CTIF: variants seen among roughly 807,000 people sequenced by gnomAD.
CTIF encodes the protein CBP80/20-dependent translation initiation factor.
In CTIF, 21 loss-of-function variants were observed where a neutral mutation model predicts 66.0. The ratio of observed to expected loss-of-function variants is 0.32; its 90% confidence interval spans 0.23 to 0.46. The LOEUF is 0.46. CTIF is among the 20% of genes least tolerant of loss of function. CTIF has a pLI of 1.00. For missense variants in CTIF, 739 were observed against 812.7 expected (o/e 0.91, Z 1.10); for synonymous variants, 345 against 326.4 (o/e 1.06, Z -0.62).
intron 1 of CTIF, among the ~76,000 whole-genome samples, chr18:48,540,706 T>C (rs2088589600): frequency 6.6e-6 from 1 of 151,844 alleles, no homozygotes; most frequent in South Asian, 2.1e-4. Flanking sequence ...CCCGGCTGTT[T>C]GTGTGTACAC....
rs116897020 is a variant in CTIF, at chr18:48,781,231, G to A, written c.1371+19542G>A. Among the ~76,000 whole-genome samples the A allele has an allele frequency of 5.3e-3, 808 of 152,366 alleles. 3 individuals are homozygous for A. The highest frequency in any genetic ancestry group is 0.024 in the South Asian group (116 of 4,830). ...TGTCTGTCCCTGCAAACACAAGTCA[G>A]CTGTGTGTGCAGACAAAGCCGTGCG... On this transcript the variant is annotated intron_variant, in intron 9 of 11. Transcript: ENST00000256413.
intron 1 of CTIF, among the ~76,000 whole-genome samples, chr18:48,550,720 C>G (rs977235195): frequency 6.6e-6 from 1 of 152,212 alleles, no homozygotes; most frequent in Admixed American, 6.5e-5. Context: ...GCCTATCTGT[C>G]CCCTGGGATC....
intron 1 of CTIF, among the ~76,000 whole-genome samples, chr18:48,602,342 C>A (rs1036766491): frequency 1.3e-5 from 2 of 152,158 alleles, no homozygotes; most frequent in Non-Finnish European, 2.9e-5. Flanking sequence ...CTCATGCATG[C>A]TAAACAATGC....
At chr18:48,757,298 G>A (rs1207522301) in intron 7 of CTIF, among the ~76,000 whole-genome samples, 4 of 151,990 alleles carry the variant, frequency 2.6e-5, no homozygotes, top group Admixed American at 6.6e-5. Flanking sequence ...AACATATGAA[G>A]TTTTGCGGGG....
chr18:48,645,393 A>G (rs552460330), intron 3 of CTIF, among the ~76,000 whole-genome samples: 37 of 152,282 alleles, frequency 2.4e-4, no homozygotes, highest in African/African-American at 7.7e-4. Flanking sequence ...TAGCAAAACA[A>G]AAAACTTTTC....
chr18:48,589,839 G>T (rs1240082138), intron 1 of CTIF, among the ~76,000 whole-genome samples: 1 of 152,194 alleles, frequency 6.6e-6, no homozygotes, highest in Non-Finnish European at 1.5e-5. Context: ...TTCAGCCTAG[G>T]GTGGGGCAGA....
chr18:48,711,029 T>C (rs1168072945), intron 6 of CTIF, among the ~76,000 whole-genome samples: 1 of 152,186 alleles, frequency 6.6e-6, no homozygotes, highest in Non-Finnish European at 1.5e-5. Flanking sequence ...TAATTCCATG[T>C]TTTCCTAAAT....
At chr18:48,602,167 T>C (rs1335400285) in intron 1 of CTIF, among the ~76,000 whole-genome samples, 8 of 152,202 alleles carry the variant, frequency 5.3e-5, no homozygotes, top group African/African-American at 1.9e-4. Context: ...TGATTAGCCA[T>C]GTATTGAGTA....
intron 3 of CTIF, among the ~76,000 whole-genome samples, chr18:48,656,969 G>A (rs925803099): frequency 5.9e-5 from 9 of 152,242 alleles, no homozygotes; most frequent in African/African-American, 1.9e-4. Flanking sequence ...GAGTCTGTGC[G>A]AAGAAATATT....
chr18:48,734,913 CAT>C (rs2092486728), intron 7 of CTIF, among the ~76,000 whole-genome samples: 1 of 152,144 alleles, frequency 6.6e-6, no homozygotes, highest in African/African-American at 2.4e-5. Flanking sequence ...CACTTAATAT[CAT>C]ATTGCTGTGT....
chr18:48,644,938 G>A (rs1183861180), intron 3 of CTIF, among the ~76,000 whole-genome samples: 1 of 152,190 alleles, frequency 6.6e-6, no homozygotes, highest in East Asian at 1.9e-4. Context: ...TTGGATCGTG[G>A]ATAAGATACA....
Position 48,757,917 on chromosome 18 carries a change from AGGC to A in CTIF, c.587_589del (p.Arg196del). On this transcript the variant is annotated splice_acceptor_variant and coding_sequence_variant, in exon 8 of 12. Coordinates refer to ENST00000256413, the MANE Select transcript of CTIF (RefSeq NM_014772.3). LOFTEE classifies it high-confidence loss of function. ...TCTCTGTCTTTCCTCTTCCGTTTGC[AGGC>A]GGCAGCAGAGACCTCCGGGGGGCAA... 2 of 1,606,114 alleles carry A rather than the reference AGGC, an allele frequency of 1.2e-6. No individual in the cohort carries two copies. The highest frequency in any genetic ancestry group is 8.5e-7 in the Non-Finnish European group (1 of 1,174,832).
At chr18:48,680,107 A>G (rs1174849245) in intron 6 of CTIF, among the ~76,000 whole-genome samples, 1 of 152,186 alleles carries the variant, frequency 6.6e-6, no homozygotes, top group African/African-American at 2.4e-5. Context: ...GACTGAGCCT[A>G]TGCCCTCCTC....
intron 3 of CTIF, among the ~76,000 whole-genome samples, chr18:48,647,715 T>G (rs2091072466): frequency 6.6e-6 from 1 of 152,200 alleles, no homozygotes; most frequent in South Asian, 2.1e-4. Context: ...GGGATAGAAC[T>G]GTTTTTAGGG....
At chr18:48,800,736 C>T (rs960106501) in intron 9 of CTIF, among the ~76,000 whole-genome samples, 3 of 152,192 alleles carry the variant, frequency 2.0e-5, no homozygotes, top group African/African-American at 4.8e-5. Flanking sequence ...GAACGTGAGA[C>T]GGTAGAAGAC....
chr18:48,651,563 A>T (rs1200813071), intron 3 of CTIF, among the ~76,000 whole-genome samples: 3 of 152,222 alleles, frequency 2.0e-5, no homozygotes, highest in Non-Finnish European at 4.4e-5. Context: ...TCAACGAGAC[A>T]GAAGGTTAAC....
chr18:48,664,241 T>C (rs1462969641), intron 4 of CTIF, among the ~76,000 whole-genome samples: 7 of 152,122 alleles, frequency 4.6e-5, no homozygotes, highest in African/African-American at 1.7e-4. Context: ...CCCACACTTG[T>C]TTCATAAGCA....
chr18:48,857,646 G>A lies in CTIF; in HGVS notation c.1581+5G>A. The A allele has an allele frequency of 6.2e-7, 1 of 1,602,400 alleles. No individual in the cohort carries two copies. The highest frequency in any genetic ancestry group is 8.5e-7 in the Non-Finnish European group (1 of 1,174,388). On this transcript the variant is annotated splice_donor_5th_base_variant and intron_variant, in intron 11 of 11. Coordinates refer to ENST00000256413, the MANE Select transcript of CTIF (RefSeq NM_014772.3). ...GTCCTTTGCTGCTCTATGGAGGTAA[G>A]CTTTGGGGCTTCGACATCCCCAACC...
chr18:48,556,751 G>T (rs1205474653), intron 1 of CTIF, among the ~76,000 whole-genome samples: 3 of 152,176 alleles, frequency 2.0e-5, no homozygotes, highest in Non-Finnish European at 4.4e-5. Flanking sequence ...TTTTGGTAGA[G>T]ATGGGGTTTC....
Sources: allele counts gnomAD v4.1 joint callset (sites outside exome capture counted in the v4.1 genomes callset), GRCh38; gene constraint gnomAD v4.1.1; transcripts MANE v1.5; gene names NCBI Gene and HGNC (gene_info 2026-07-23, HGNC 2026-07-21).